Variants in PPP2R5E observed in about 807,000 individuals in gnomAD.
The protein encoded by PPP2R5E is protein phosphatase 2 regulatory subunit B'epsilon.
A neutral mutation model predicts 65.3 loss-of-function variants in PPP2R5E; 4 were observed. That is an observed-to-expected ratio of 0.06 (90% confidence interval 0.03 to 0.14). The LOEUF (loss-of-function observed/expected upper bound fraction) is 0.14, where lower values mean the gene tolerates loss of function less well. PPP2R5E is among the 10% of genes least tolerant of loss of function. PPP2R5E has a pLI of 1.00. For synonymous variants in PPP2R5E, 183 were observed against 187.4 expected, an observed-to-expected ratio of 0.98 and a Z score of 0.19; for missense variants, 274 against 556.1, an observed-to-expected ratio of 0.49 and a Z score of 5.10.
chr14:63,380,068 A>G (rs1884246826), intron 13 of PPP2R5E, among the ~76,000 whole-genome samples: 1 of 151,512 alleles, frequency 6.6e-6, no homozygotes, highest in African/African-American at 2.4e-5. Context: ...TCCTGACCTC[A>G]GATGACCCGC....
rs75839810 is a variant in PPP2R5E at position 63,441,231 on chromosome 14, A to G, written c.354+12458T>C. 5.9e-3 allele frequency among the ~76,000 whole-genome samples: 903 copies of G among 152,334 alleles called. 26 individuals carry two copies. The East Asian group carries it at 0.094, about 16-fold the overall frequency. ...CTTTCATTAGTACACACCTTTGTGA[A>G]GAGACTCTAAGGATTAAGTATATGG... On this transcript the variant is annotated intron_variant, in intron 3 of 13. Transcript: ENST00000337537.
intron 3 of PPP2R5E, among the ~76,000 whole-genome samples, chr14:63,438,282 CCT>C (rs990693576): frequency 1.8e-4 from 27 of 152,254 alleles, no homozygotes; most frequent in Admixed American, 1.4e-3. Context: ...CCAATAAATC[CCT>C]CTCTTTCATT....
chr14:63,516,335 A>C (rs562498098), intron 2 of PPP2R5E, among the ~76,000 whole-genome samples: 26 of 152,232 alleles, frequency 1.7e-4, no homozygotes, highest in Non-Finnish European at 3.1e-4. Flanking sequence ...AAAGAAAAAA[A>C]TCTAAGAATA....
At chr14:63,502,536 G>A (rs1304820531) in intron 2 of PPP2R5E, among the ~76,000 whole-genome samples, 1 of 152,016 alleles carries the variant, frequency 6.6e-6, no homozygotes, top group African/African-American at 2.4e-5. Context: ...GCATGGTGGT[G>A]TGTGCCTCTA....
intron 2 of PPP2R5E, among the ~76,000 whole-genome samples, chr14:63,496,322 G>A (rs1240571129): frequency 6.6e-6 from 1 of 151,586 alleles, no homozygotes. Flanking sequence ...GGCCAACATA[G>A]TAAAACCCTG....
rs142265508 is a variant in PPP2R5E at position 63,452,043 on chromosome 14, T to C, written c.354+1646A>G. The C allele has an allele frequency of 1.6e-3, 238 of 152,340 alleles. 1 individual carries two copies. The highest frequency in any genetic ancestry group is 5.4e-3 in the African/African-American group (226 of 41,576). 9.4% of individuals were successfully genotyped at this position (152,340 alleles called of 1,614,324 possible). On this transcript the variant is annotated intron_variant, in intron 3 of 13. Transcript: ENST00000337537. Reference sequence around the variant, plus strand: ...ATAAAAAGAATATGGCAACTTTATATGTACTGAAATATATATTGCTAAGTG... The same window carrying C: ...ATAAAAAGAATATGGCAACTTTATACGTACTGAAATATATATTGCTAAGTG...
chr14:63,373,327 A>G lies in PPP2R5E; in HGVS notation c.*2682T>C, dbSNP rs867155669. The G allele has an allele frequency of 3.9e-5, 6 of 152,242 alleles. No individual in the cohort carries two copies. Among genetic ancestry groups the G allele is most frequent in the African/African-American group, 1.4e-4 (6 of 41,474 alleles). The allele number at this position is 152,242 out of a possible 1,614,324, so 9.4% of individuals were successfully genotyped here. On this transcript the variant is annotated 3_prime_UTR_variant, in exon 14 of 14. Coordinates refer to ENST00000337537, the MANE Select transcript of PPP2R5E (RefSeq NM_006246.5). ...AATATAACACAAAGATGCATTTGTC[A>G]CAATTAACTCAAGTTGCAGCAACAG... is the stretch of plus-strand genomic sequence containing the variant.
At chr14:63,392,980 T>A (rs1885109157) in intron 8 of PPP2R5E, among the ~76,000 whole-genome samples, 1 of 152,208 alleles carries the variant, frequency 6.6e-6, no homozygotes, top group Non-Finnish European at 1.5e-5. Context: ...AGGGTATGCT[T>A]TTTAAAGTGA....
intron 3 of PPP2R5E, among the ~76,000 whole-genome samples, chr14:63,443,014 G>C (rs540465097): frequency 6.6e-6 from 1 of 152,152 alleles, no homozygotes; most frequent in African/African-American, 2.4e-5. Context: ...GGCAGACTCT[G>C]AGAGATTTAA....
chr14:63,467,960 C>T (rs1889922040), intron 2 of PPP2R5E, among the ~76,000 whole-genome samples: 1 of 152,198 alleles, frequency 6.6e-6, no homozygotes, highest in Admixed American at 6.5e-5. Context: ...CCCTTAGTTT[C>T]CTCATCTATA....
At chr14:63,434,180 A>C (rs1469908413) in intron 3 of PPP2R5E, among the ~76,000 whole-genome samples, 3 of 151,994 alleles carry the variant, frequency 2.0e-5, no homozygotes, top group Admixed American at 2.0e-4. Context: ...CAAGTAATTT[A>C]ATTTGCTTAT....
At chr14:63,409,520 C>T (rs1218112546) in intron 5 of PPP2R5E, among the ~76,000 whole-genome samples, 2 of 152,174 alleles carry the variant, frequency 1.3e-5, no homozygotes, top group Admixed American at 1.3e-4. Context: ...ATTTAATGAG[C>T]AACTACTATG....
intron 2 of PPP2R5E, among the ~76,000 whole-genome samples, chr14:63,456,368 A>G (rs1483070359): frequency 6.6e-6 from 1 of 152,202 alleles, no homozygotes; most frequent in African/African-American, 2.4e-5. Context: ...ACTTAGTCCT[A>G]TTTTTTAATG....
intron 2 of PPP2R5E, among the ~76,000 whole-genome samples, chr14:63,455,206 G>A (rs1353203734): frequency 6.6e-6 from 1 of 152,110 alleles, no homozygotes; most frequent in Admixed American, 6.6e-5. Context: ...CATTTTCACA[G>A]GACCCACCAG....
intron 2 of PPP2R5E, among the ~76,000 whole-genome samples, chr14:63,473,062 G>A (rs532082711): frequency 6.6e-6 from 1 of 152,224 alleles, no homozygotes; most frequent in South Asian, 2.1e-4. Flanking sequence ...AGAAACAAAG[G>A]GATTTTTTAA....
At chr14:63,471,856 G>A (rs1269226605) in intron 2 of PPP2R5E, among the ~76,000 whole-genome samples, 1 of 152,190 alleles carries the variant, frequency 6.6e-6, no homozygotes, top group Non-Finnish European at 1.5e-5. Flanking sequence ...ATCTGGAAGG[G>A]TTAATCTTCC....
chr14:63,376,399 AG>A (rs1240074468), intron 13 of PPP2R5E, among the ~76,000 whole-genome samples: 1 of 152,232 alleles, frequency 6.6e-6, no homozygotes, highest in Non-Finnish European at 1.5e-5. Flanking sequence ...CAGAGAATAT[AG>A]TAGGTCAAGA....
At chr14:63,529,811 G>A (rs1893338463) in intron 2 of PPP2R5E, among the ~76,000 whole-genome samples, 2 of 152,140 alleles carry the variant, frequency 1.3e-5, no homozygotes, top group Non-Finnish European at 2.9e-5. Flanking sequence ...ACATTCATTT[G>A]GCACTTCAAT....
intron 3 of PPP2R5E, among the ~76,000 whole-genome samples, chr14:63,433,612 C>T (rs1006417531): frequency 1.3e-5 from 2 of 151,632 alleles, no homozygotes; most frequent in Non-Finnish European, 3.0e-5. Context: ...GAAAGGTGCG[C>T]GCTGCTCTCA....
Sources: gnomAD v4.1 joint callset for allele counts (sites outside exome capture counted in the v4.1 genomes callset) on GRCh38, gnomAD v4.1.1 for gene constraint, MANE v1.5 for transcripts, NCBI Gene and HGNC (gene_info 2026-07-23, HGNC 2026-07-21) for gene names.